ADAMTSL3: variants seen among roughly 807,000 people sequenced by gnomAD.
ADAMTSL3 encodes the protein ADAMTS like 3.
Under a neutral mutation model 201.7 loss-of-function variants are expected in ADAMTSL3, and 128 were observed. The ratio of observed to expected loss-of-function variants is 0.63; its 90% CI spans 0.55 to 0.73. ADAMTSL3 has a LOEUF of 0.73. Among genes scored for constraint, ADAMTSL3 ranks in the 30% least tolerant of loss-of-function variants. The pLI, the probability that ADAMTSL3 is intolerant of heterozygous loss-of-function variation, is 0.00. For synonymous variants in ADAMTSL3, 738 were observed against 748.4 expected, an observed-to-expected ratio of 0.99 and a Z score of 0.23; for missense variants, 1,990 against 2,119.6, an observed-to-expected ratio of 0.94 and a Z score of 1.20.
intron 7 of ADAMTSL3, among the ~76,000 whole-genome samples, chr15:83,850,789 C>T (rs140785338): frequency 6.6e-6 from 1 of 152,262 alleles, no homozygotes; most frequent in African/African-American, 2.4e-5. Context: ...CTCCTGCCTC[C>T]TTAAAATCCT....
At chr15:83,761,085 A>G (rs991873408) in intron 3 of ADAMTSL3, among the ~76,000 whole-genome samples, 1 of 151,750 alleles carries the variant, frequency 6.6e-6, no homozygotes, top group Non-Finnish European at 1.5e-5. Flanking sequence ...TTTTCTTATT[A>G]TATCTTTTCC....
chr15:83,843,740 G>C, intron 7 of ADAMTSL3, among the ~76,000 whole-genome samples: 1 of 152,132 alleles, frequency 6.6e-6, no homozygotes, highest in East Asian at 1.9e-4. Context: ...GCACAGCCCT[G>C]CACTGGAGAA....
Position 83,869,060 on chromosome 15 carries a change from C to T in ADAMTSL3, c.803-1742C>T, listed in dbSNP as rs570667430. ...TAAAGCAATTACTACTCCAACACAG[C>T]CGCGGAATCCATTGCACGCTACTTG... On this transcript the variant is annotated intron_variant, in intron 8 of 29. Coordinates refer to ENST00000286744, the MANE Select transcript of ADAMTSL3 (RefSeq NM_207517.3). Among the ~76,000 whole-genome samples, 6 of 152,290 alleles carry T rather than the reference C, an allele frequency of 3.9e-5. No individual in the cohort carries two copies. The South Asian group carries it at 1.2e-3, about 32-fold the overall frequency.
chr15:83,936,547 A>G (rs2066464399), intron 17 of ADAMTSL3, among the ~76,000 whole-genome samples: 1 of 151,048 alleles, frequency 6.6e-6, no homozygotes, highest in East Asian at 1.9e-4. Context: ...ATTTATAGTT[A>G]TGCTATAAAA....
chr15:83,757,754 T>C (rs765745205), intron 3 of ADAMTSL3, among the ~76,000 whole-genome samples: 6 of 152,236 alleles, frequency 3.9e-5, no homozygotes, highest in Non-Finnish European at 7.3e-5. Flanking sequence ...TCATTATGAA[T>C]GCTTTTAACA....
intron 20 of ADAMTSL3, among the ~76,000 whole-genome samples, chr15:83,981,940 A>G (rs2067391137): frequency 6.6e-6 from 1 of 152,226 alleles, no homozygotes; most frequent in Non-Finnish European, 1.5e-5. Flanking sequence ...TAGAACAAAT[A>G]TTCCTCAAAT....
Position 83,899,744 on chromosome 15 carries a change from C to T in ADAMTSL3, c.1700+13C>T. The T allele has an allele frequency of 1.2e-6, 2 of 1,608,156 alleles. No individual in the cohort carries two copies. Among genetic ancestry groups the T allele is most frequent in the Non-Finnish European group, 1.7e-6 (2 of 1,176,926 alleles). On this transcript the variant is annotated intron_variant, in intron 15 of 29. Coordinates refer to ENST00000286744, the MANE Select transcript of ADAMTSL3 (RefSeq NM_207517.3). ...CAGAAGAACCAACGTGAGTCCAGGACCTTTTGTAGGAATAATCAGGGCATA... is the reference window on the plus strand; with the variant it reads ...CAGAAGAACCAACGTGAGTCCAGGATCTTTTGTAGGAATAATCAGGGCATA...
Position 83,863,119 on chromosome 15 carries a change from G to A in ADAMTSL3, c.802+4279G>A, listed in dbSNP as rs558813367. On this transcript the variant is annotated intron_variant, in intron 8 of 29. Coordinates refer to ENST00000286744, the MANE Select transcript of ADAMTSL3 (RefSeq NM_207517.3). ...ATACAGGAACACCCAGATTCATAAA[G>A]CAAGTCCTTAGAGACCTACAAAGAG... Among the ~76,000 whole-genome samples the A allele has an allele frequency of 1.6e-3, 249 of 152,254 alleles. 1 individual carries two copies. Among genetic ancestry groups the A allele is most frequent in the Non-Finnish European group, 2.8e-3 (193 of 68,018 alleles).
At chr15:83,706,669 C>G (rs1429657123) in intron 3 of ADAMTSL3, among the ~76,000 whole-genome samples, 1 of 151,738 alleles carries the variant, frequency 6.6e-6, no homozygotes, top group Non-Finnish European at 1.5e-5. Context: ...GAGATTGGGT[C>G]TTGTTCTGTC....
intron 15 of ADAMTSL3, among the ~76,000 whole-genome samples, chr15:83,900,007 C>G (rs978137793): frequency 1.3e-5 from 2 of 152,164 alleles, no homozygotes; most frequent in Non-Finnish European, 2.9e-5. Context: ...GGGATAATTT[C>G]TAGGTTTTAA....
At position 83,704,567 on chromosome 15, in the gene ADAMTSL3, C is replaced by CAG. The variant is rs3079595; in HGVS notation, c.189+59_189+60insAG. 0.8 allele frequency: 1,285,797 copies of CAG among 1,602,662 alleles called. 518,900 individuals carry two copies. The highest frequency in any genetic ancestry group is 0.96 in the East Asian group (42,914 of 44,756). ...TTGCTGTTTGCCAGTGGTCAGGAAA[C>CAG]TGTCTCTAAAAGACCTTCAAAGTAA... On this transcript the variant is annotated intron_variant, in intron 3 of 29. Transcript: ENST00000286744.
chr15:83,871,147 C>A (rs2065073780), intron 9 of ADAMTSL3, among the ~76,000 whole-genome samples, 188 bp downstream of exon 9: 1 of 152,184 alleles, frequency 6.6e-6, no homozygotes, highest in Non-Finnish European at 1.5e-5. Context: ...CTGCTCCTAA[C>A]CCTAACAGTT....
At chr15:83,774,655 C>T (rs1371317451) in intron 4 of ADAMTSL3, among the ~76,000 whole-genome samples, 1 of 152,162 alleles carries the variant, frequency 6.6e-6, no homozygotes, top group Non-Finnish European at 1.5e-5. Flanking sequence ...AGAACTAAAT[C>T]CAGGGATTAT....
At chr15:83,855,620 G>A (rs1159114410) in intron 7 of ADAMTSL3, among the ~76,000 whole-genome samples, 6 of 152,184 alleles carry the variant, frequency 3.9e-5, no homozygotes, top group Non-Finnish European at 7.3e-5. Flanking sequence ...TACCATGGAG[G>A]TGGAGAATGG....
intron 20 of ADAMTSL3, among the ~76,000 whole-genome samples, chr15:83,974,801 G>A (rs1031281069): frequency 6.6e-6 from 1 of 152,098 alleles, no homozygotes; most frequent in Non-Finnish European, 1.5e-5. Flanking sequence ...GGGTTCCTGA[G>A]CTTTGGTAAA....
At chr15:83,946,711 G>A (rs1162499552) in intron 19 of ADAMTSL3, among the ~76,000 whole-genome samples, 5 of 152,222 alleles carry the variant, frequency 3.3e-5, no homozygotes, top group Admixed American at 3.3e-4. Flanking sequence ...TCGTTCATTG[G>A]AGGGGTTTTT....
At chr15:83,808,209 A>G (rs1221145781) in intron 5 of ADAMTSL3, among the ~76,000 whole-genome samples, 1 of 152,216 alleles carries the variant, frequency 6.6e-6, no homozygotes, top group African/African-American at 2.4e-5. Flanking sequence ...AGAATGGGAG[A>G]AAATATTTGC....
Position 83,982,775 on chromosome 15 carries a change from CATT to C in ADAMTSL3, c.3149_3151del (p.Ile1050del). On this transcript the variant is annotated inframe_deletion, in exon 21 of 30. Coordinates refer to ENST00000286744, the MANE Select transcript of ADAMTSL3 (RefSeq NM_207517.3). ...ATGACCTTTATCTGGATGATGACCA[CATT>C]AGTAACCAGCCTTTCTTGAGAGCTC... 1 of 1,614,094 alleles carries C rather than the reference CATT, an allele frequency of 6.2e-7. No individual in the cohort carries two copies. Among genetic ancestry groups the C allele is most frequent in the Non-Finnish European group, 8.5e-7 (1 of 1,180,038 alleles).
chr15:83,739,572 G>A lies in ADAMTSL3; in HGVS notation c.190-33951G>A, dbSNP rs567389219. ...TGCCATCCCCAAGATATCTTTTTAC[G>A]TATATGAAACTATTTCAAAATCCAA... On this transcript the variant is annotated intron_variant, in intron 3 of 29. Transcript: ENST00000286744. Among the ~76,000 whole-genome samples the A allele has an allele frequency of 1.2e-4, 18 of 151,400 alleles. No individual in the cohort carries two copies. The South Asian group carries it at 2.5e-3, about 21-fold the overall frequency.
Sources: allele counts gnomAD v4.1 joint callset (sites outside exome capture counted in the v4.1 genomes callset), GRCh38; gene constraint gnomAD v4.1.1; transcripts MANE v1.5; gene names NCBI Gene and HGNC (gene_info 2026-07-23, HGNC 2026-07-21).